The following HIPK2 variants were observed in gnomAD, a reference collection of about 807,000 sequenced individuals.
HIPK2 encodes homeodomain interacting protein kinase 2, also known as homeodomain-interacting protein kinase 2.
A neutral mutation model predicts 113.7 loss-of-function variants in HIPK2; 27 were observed. The observed-to-expected ratio is 0.24, with a 90% CI of 0.17 to 0.33. The LOEUF (loss-of-function observed/expected upper bound fraction) is 0.33, where lower values mean the gene tolerates loss of function less well. Among genes scored for constraint, HIPK2 ranks in the 10% least tolerant of loss-of-function variants. HIPK2 has a pLI of 1.00. For missense variants in HIPK2, 1,257 were observed against 1,588.0 expected (o/e 0.79, Z 3.54); for synonymous variants, 631 against 642.2 (o/e 0.98, Z 0.26).
At chr7:139,761,808 A>T (rs1324992072) in intron 1 of HIPK2, among the ~76,000 whole-genome samples, 1 of 152,224 alleles carries the variant, frequency 6.6e-6, no homozygotes, top group Non-Finnish European at 1.5e-5. Context: ...TGAAATACAA[A>T]GTTGGAGACT....
chr7:139,657,355 T>C lies in HIPK2; in HGVS notation c.1104-25630A>G, dbSNP rs542267476. Among the ~76,000 whole-genome samples, 10 of 152,324 alleles carry C rather than the reference T, an allele frequency of 6.6e-5. No homozygotes were observed. In the East Asian group the frequency reaches 1.7e-3, roughly 26 times the overall value. ...ACCATCCTAGGTAGTGATTATGCTG[T>C]TAGGGTGGCTTGTGTTGACCCAAAT... On this transcript the variant is annotated intron_variant, in intron 2 of 14. Transcript: ENST00000406875.
intron 7 of HIPK2, among the ~76,000 whole-genome samples, chr7:139,616,786 T>C (rs551888712): frequency 1.3e-5 from 2 of 152,368 alleles, no homozygotes; most frequent in East Asian, 3.9e-4. Flanking sequence ...TGTGTCTTAG[T>C]GGTGTTTTCC....
At chr7:139,776,181 G>A (rs1379067247) in intron 1 of HIPK2, among the ~76,000 whole-genome samples, 3 of 152,132 alleles carry the variant, frequency 2.0e-5, no homozygotes. Context: ...GTTTTGTTTT[G>A]TCGAATGGTT....
At chr7:139,628,190 C>T (rs1800495277) in intron 5 of HIPK2, among the ~76,000 whole-genome samples, 2 of 152,144 alleles carry the variant, frequency 1.3e-5, no homozygotes, top group Admixed American at 1.3e-4. Context: ...TCCCCTATGG[C>T]CTTTACAGTG....
rs1430535094 is a variant in HIPK2, at chr7:139,567,057, A to G, written c.*5870T>C. On this transcript the variant is annotated 3_prime_UTR_variant, in exon 15 of 15. Transcript: ENST00000406875. ...GTCCCTCTAGTGAGCCACGGTGCCA[A>G]AAGCCTCCAATAGGTTTTTTTTGCA... 1.3e-5 allele frequency: 2 copies of G among 152,252 alleles called. No individual in the cohort carries two copies. The highest frequency in any genetic ancestry group is 4.8e-5 in the African/African-American group (2 of 41,460). 9.4% of individuals were successfully genotyped at this position (152,252 alleles called of 1,614,324 possible).
intron 1 of HIPK2, among the ~76,000 whole-genome samples, chr7:139,720,732 T>G (rs1795383645): frequency 6.6e-6 from 1 of 152,250 alleles, no homozygotes; most frequent in African/African-American, 2.4e-5. Flanking sequence ...AGCCATTTCC[T>G]TCATCCTTTC....
At chr7:139,676,387 A>T (rs760247045) in intron 2 of HIPK2, among the ~76,000 whole-genome samples, 8 of 152,012 alleles carry the variant, frequency 5.3e-5, no homozygotes, top group Non-Finnish European at 1.0e-4. Flanking sequence ...GTATCCTCAC[A>T]TCCATCACTG....
At chr7:139,776,904 G>GA (rs1275920008) in intron 1 of HIPK2, 1 of 152,108 alleles carries the variant, frequency 6.6e-6, no homozygotes, top group Non-Finnish European at 1.5e-5. Flanking sequence ...GTCAAATGGG[G>GA]AAAAATACCC....
At chr7:139,740,365 C>T (rs988599502) in intron 1 of HIPK2, among the ~76,000 whole-genome samples, 7 of 152,218 alleles carry the variant, frequency 4.6e-5, no homozygotes, top group East Asian at 1.9e-4. Context: ...GCATGGCAGA[C>T]GAGGGTTGGC....
chr7:139,639,866 C>T (rs1800947138), intron 2 of HIPK2, among the ~76,000 whole-genome samples: 1 of 152,168 alleles, frequency 6.6e-6, no homozygotes, highest in South Asian at 2.1e-4. Context: ...GAGAGGCAGA[C>T]AGCTTGGCCT....
intron 2 of HIPK2, among the ~76,000 whole-genome samples, chr7:139,686,512 T>C (rs1285510792): frequency 2.0e-5 from 3 of 152,168 alleles, no homozygotes; most frequent in Non-Finnish European, 4.4e-5. Flanking sequence ...ATGGGGGCAG[T>C]TGCATTCATG....
chr7:139,659,189 G>A (rs951409647), intron 2 of HIPK2, among the ~76,000 whole-genome samples: 2 of 152,144 alleles, frequency 1.3e-5, no homozygotes, highest in African/African-American at 4.8e-5. Flanking sequence ...TATGCCGCTT[G>A]TGTCCACATT....
At chr7:139,587,065 C>T (rs1340868827) in intron 12 of HIPK2, among the ~76,000 whole-genome samples, 1 of 152,076 alleles carries the variant, frequency 6.6e-6, no homozygotes, top group Non-Finnish European at 1.5e-5. Flanking sequence ...ACTGAATTTA[C>T]ACTTAAAAAT....
At chr7:139,620,964 G>A (rs1391041934) in intron 6 of HIPK2, among the ~76,000 whole-genome samples, 4 of 152,026 alleles carry the variant, frequency 2.6e-5, no homozygotes, top group Non-Finnish European at 4.4e-5. Context: ...CTTATAACCC[G>A]CCTCCACCTT....
chr7:139,646,458 C>A (rs902969073), intron 2 of HIPK2, among the ~76,000 whole-genome samples: 5 of 149,926 alleles, frequency 3.3e-5, no homozygotes, highest in Non-Finnish European at 7.4e-5. Flanking sequence ...TGTGATCACG[C>A]CACTGCACTC....
intron 1 of HIPK2, chr7:139,777,030 G>A (rs1480803672): frequency 6.6e-6 from 1 of 152,314 alleles, no homozygotes; most frequent in Non-Finnish European, 1.5e-5. Flanking sequence ...ACGCTAATGA[G>A]GGGAGATTTT....
chr7:139,743,484 A>G (rs938993555), intron 1 of HIPK2, among the ~76,000 whole-genome samples: 3 of 152,224 alleles, frequency 2.0e-5, no homozygotes, highest in Admixed American at 6.5e-5. Flanking sequence ...GTGTCCTTAG[A>G]CATATCTCTT....
chr7:139,621,166 A>G (rs1402892924), intron 6 of HIPK2, among the ~76,000 whole-genome samples: 1 of 152,230 alleles, frequency 6.6e-6, no homozygotes. Context: ...AACATTTATT[A>G]GTGTCCTAAT....
chr7:139,777,424 C>T (rs1403671031), intron 1 of HIPK2, among the ~76,000 whole-genome samples, 181 bp downstream of exon 1: 3 of 151,772 alleles, frequency 2.0e-5, no homozygotes, highest in Admixed American at 6.6e-5. Flanking sequence ...GAAGCAAGAC[C>T]CTGCCGGCGC....
Sources: gnomAD v4.1 joint callset for allele counts (sites outside exome capture counted in the v4.1 genomes callset) on GRCh38, gnomAD v4.1.1 for gene constraint, MANE v1.5 for transcripts, NCBI Gene and HGNC (gene_info 2026-07-23, HGNC 2026-07-21) for gene names.